The following SUCLA2 variants were observed in gnomAD, a reference collection of about 807,000 sequenced individuals.
SUCLA2 encodes the protein succinate-CoA ligase ADP-forming subunit beta.
A neutral mutation model predicts 54.8 loss-of-function variants in SUCLA2; 30 were observed. The observed-to-expected ratio is 0.55, with a 90% CI of 0.41 to 0.74. SUCLA2 has a LOEUF of 0.74. SUCLA2 is among the 30% of genes least tolerant of loss of function. The pLI is 0.00. For synonymous variants in SUCLA2, 172 were observed against 188.9 expected (o/e 0.91, Z 0.74); for missense variants, 476 against 562.9 (o/e 0.85, Z 1.56).
chr13:47,972,860 G>A (rs1949979419), intron 5 of SUCLA2, among the ~76,000 whole-genome samples: 1 of 146,214 alleles, frequency 6.8e-6, no homozygotes, highest in African/African-American at 2.5e-5. Context: ...CGATTCTTCT[G>A]CCTCAGCCTC....
At chr13:47,976,652 C>T (rs144672441) in intron 4 of SUCLA2, among the ~76,000 whole-genome samples, 159 of 152,212 alleles carry the variant, frequency 1.0e-3, no homozygotes, top group African/African-American at 3.7e-3. Flanking sequence ...GAAAACACAC[C>T]CAGCTCCTGA....
chr13:47,993,608 C>T (rs935503866), intron 2 of SUCLA2, among the ~76,000 whole-genome samples: 1 of 152,192 alleles, frequency 6.6e-6, no homozygotes, highest in Non-Finnish European at 1.5e-5. Flanking sequence ...TAAAGAGGCT[C>T]AGTGGCCCCA....
At chr13:47,982,053 A>T (rs1405384073) in intron 4 of SUCLA2, among the ~76,000 whole-genome samples, 1 of 152,230 alleles carries the variant, frequency 6.6e-6, no homozygotes, top group Non-Finnish European at 1.5e-5. Flanking sequence ...TCTCAAAAAA[A>T]TTAAAAATAG....
intron 8 of SUCLA2, among the ~76,000 whole-genome samples, chr13:47,951,970 C>A (rs954607743): frequency 3.4e-5 from 5 of 145,350 alleles, no homozygotes. Context: ...GATAGCACTG[C>A]ATCCCTTCCA....
intron 6 of SUCLA2, among the ~76,000 whole-genome samples, chr13:47,961,569 T>A (rs2137704631): frequency 6.6e-6 from 1 of 152,292 alleles, no homozygotes; most frequent in East Asian, 1.9e-4. Context: ...GAGAGATATA[T>A]CAGGCTTATT....
chr13:48,001,213 G>C lies in SUCLA2; in HGVS notation c.57C>G (p.His19Gln), dbSNP rs1950229073. Residue 19 changes from histidine to glutamine, a missense_variant, in exon 1 of 11, where the codon CAC becomes CAG. Transcript: ENST00000646932. ...RLVAVATLRN[H>Q]RPRTAQRAAA... ...CAGCCCGCTGGGCCGTCCGAGGCCG[G>C]TGGTTCCGAAGGGTGGCCACGGCCA... 6.2e-7 allele frequency: 1 copy of C among 1,609,498 alleles called. No homozygotes were observed. Among genetic ancestry groups the C allele is most frequent in the African/African-American group, 1.3e-5 (1 of 74,876 alleles).
At chr13:47,968,530 T>C (rs1309421605) in intron 6 of SUCLA2, 65 bp downstream of exon 6, 1 of 1,586,730 alleles carries the variant, frequency 6.3e-7, no homozygotes, top group Non-Finnish European at 8.6e-7. Flanking sequence ...ATGATTTAAC[T>C]TCCTTAGGGA....
At chr13:47,964,245 T>C (rs1949897247) in intron 6 of SUCLA2, among the ~76,000 whole-genome samples, 1 of 151,780 alleles carries the variant, frequency 6.6e-6, no homozygotes, top group African/African-American at 2.4e-5. Flanking sequence ...TATAACATTC[T>C]CAAAATAAAA....
At chr13:47,946,045 C>T (rs1949729006) in intron 10 of SUCLA2, 1 of 152,176 alleles carries the variant, frequency 6.6e-6, no homozygotes, top group Non-Finnish European at 1.5e-5. Flanking sequence ...TGTCACAATG[C>T]CTTCATCATT....
intron 8 of SUCLA2, among the ~76,000 whole-genome samples, chr13:47,950,490 C>T (rs938878739): frequency 6.6e-6 from 1 of 152,136 alleles, no homozygotes; most frequent in Non-Finnish European, 1.5e-5. Flanking sequence ...ATGTAATCAA[C>T]GTTTTACACA....
chr13:47,967,026 T>C (rs146824761), intron 6 of SUCLA2, among the ~76,000 whole-genome samples: 140 of 152,116 alleles, frequency 9.2e-4, no homozygotes, highest in African/African-American at 3.0e-3. Context: ...TCTCAAAAAA[T>C]TTAAAAATAT....
At chr13:47,965,833 A>T (rs1374147798) in intron 6 of SUCLA2, among the ~76,000 whole-genome samples, 1 of 152,208 alleles carries the variant, frequency 6.6e-6, no homozygotes, top group African/African-American at 2.4e-5. Context: ...CAGATCACGA[A>T]GTCAGGAGAT....
intron 10 of SUCLA2, among the ~76,000 whole-genome samples, chr13:47,947,764 G>A (rs1320290731): frequency 6.6e-6 from 1 of 152,078 alleles, no homozygotes; most frequent in Non-Finnish European, 1.5e-5. Context: ...ACACAGAGAG[G>A]GCAGAGAACA....
intron 6 of SUCLA2, among the ~76,000 whole-genome samples, chr13:47,959,438 A>AGGAGGAGGGGGAGGAGGAGAGGT (rs1256421001): frequency 6.1e-5 from 8 of 131,386 alleles, no homozygotes; most frequent in African/African-American, 2.2e-4. Context: ...AGGGAGAAGG[A>AGGAGGAGGGGGAGGAGGAGAGGT]GGAGGAGGGG....
Position 47,996,866 on chromosome 13 carries a change from G to A in SUCLA2, c.248C>T (p.Ala83Val). 1 of 1,613,620 alleles carries A rather than the reference G, an allele frequency of 6.2e-7. No homozygotes were observed. The highest frequency in any genetic ancestry group is 8.5e-7 in the Non-Finnish European group (1 of 1,179,854). Residue 83 changes from alanine (A) to valine (V), a missense_variant, in exon 2 of 11, where the codon GCT (alanine) becomes GTT (valine). Ala to Val is a moderately conservative substitution (Grantham distance 64). Coordinates refer to ENST00000646932, the MANE Select transcript of SUCLA2 (RefSeq NM_003850.3). ...ACCTAATTTTTTGGCAATTGCATAA[G>A]CTTCATCTGGTGACTTTGCCACATA... ...KGYVAKSPDEAYAIAKKLGSK... is the reference protein window; with the variant it reads ...KGYVAKSPDEVYAIAKKLGSK...
At chr13:47,996,173 A>C (rs982210037) in intron 2 of SUCLA2, among the ~76,000 whole-genome samples, 41 of 151,998 alleles carry the variant, frequency 2.7e-4, no homozygotes, top group African/African-American at 9.4e-4. Context: ...AATACAAAAA[A>C]ATTAGCCGGA....
rs569763089 is a variant in SUCLA2, at chr13:47,948,649, C to A, written c.1317+291G>T. Among the ~76,000 whole-genome samples, 4 of 152,310 alleles carry A rather than the reference C, an allele frequency of 2.6e-5. No individual in the cohort carries two copies. The East Asian group carries it at 7.7e-4, about 29-fold the overall frequency. On this transcript the variant is annotated intron_variant, in intron 10 of 10. Transcript: ENST00000646932. ...ATTTTTCATCCACTGCCCCGACCCT[C>A]TTCCTTGGTTATAAATTCCCACTTT...
At chr13:47,994,895 A>C in intron 2 of SUCLA2, 3 of 981,856 alleles carry the variant, frequency 3.1e-6, no homozygotes, top group Non-Finnish European at 3.6e-6. Flanking sequence ...TTTCTTCTGT[A>C]CCTAAGAATC....
chr13:47,993,825 C>T (rs1347390842), intron 2 of SUCLA2, among the ~76,000 whole-genome samples: 3 of 152,004 alleles, frequency 2.0e-5, no homozygotes, highest in South Asian at 2.1e-4. Context: ...CACCTGAGGT[C>T]GGGAGTTTAA....
Sources: gnomAD v4.1 joint callset for allele counts (sites outside exome capture counted in the v4.1 genomes callset) on GRCh38, gnomAD v4.1.1 for gene constraint, MANE v1.5 for transcripts, NCBI Gene and HGNC (gene_info 2026-07-23, HGNC 2026-07-21) for gene names.